The following ACAP2 variants were observed in gnomAD, a reference collection of about 807,000 sequenced individuals.
ACAP2 encodes arf-GAP with coiled-coil, ANK repeat and PH domain-containing protein 2.
In ACAP2, 39 loss-of-function variants were observed where a neutral mutation model predicts 115.8. The observed-to-expected ratio is 0.34, with a 90% confidence interval of 0.26 to 0.44. The LOEUF is 0.44. ACAP2 is among the 20% of genes least tolerant of loss of function. The pLI is 1.00. For missense variants in ACAP2, 662 were observed against 927.6 expected (o/e 0.71, Z 3.72); for synonymous variants, 289 against 315.8 (o/e 0.92, Z 0.90).
At chr3:195,330,274 T>C (rs1168321651) in intron 8 of ACAP2, among the ~76,000 whole-genome samples, 1 of 152,204 alleles carries the variant, frequency 6.6e-6, no homozygotes, top group African/African-American at 2.4e-5. Flanking sequence ...TAGTTTCAGA[T>C]GCCATTATCT....
intron 5 of ACAP2, 62 bp downstream of exon 5, chr3:195,345,197 C>T (rs1056945754): frequency 2.6e-6 from 3 of 1,146,330 alleles, no homozygotes; most frequent in Non-Finnish European, 3.9e-6. Flanking sequence ...CCAAAAGATA[C>T]GAATTCTCAG....
In ACAP2 at chr3:195,420,480, C is replaced by A. The variant is rs1045852339; in HGVS notation, c.53+22315G>T. On this transcript the variant is annotated intron_variant, in intron 1 of 22. Transcript: ENST00000326793. ...TCTCCTGCCTCAGCCTCCCAAGTAGCTGGGACTATAGGCGCGTGCCACCAC... is the reference window on the plus strand; with the variant it reads ...TCTCCTGCCTCAGCCTCCCAAGTAGATGGGACTATAGGCGCGTGCCACCAC... Among the ~76,000 whole-genome samples the A allele has an allele frequency of 3.9e-4, 58 of 149,978 alleles. No homozygotes were observed. In the Middle Eastern group the frequency reaches 0.018, roughly 47 times the overall value.
chr3:195,433,593 G>A lies in ACAP2; in HGVS notation c.53+9202C>T, dbSNP rs114562932. The stretch of plus-strand genomic sequence containing the variant: ...AGCTGAGGGTGTTTTAAAGATGGCC[G>A]TTATCAAATTAGGATCAAGTTAGGA... On this transcript the variant is annotated intron_variant, in intron 1 of 22. Transcript: ENST00000326793. Among the ~76,000 whole-genome samples the A allele has an allele frequency of 2.0e-3, 307 of 152,236 alleles. 1 individual carries two copies. Among genetic ancestry groups the A allele is most frequent in the Non-Finnish European group, 3.4e-3 (228 of 68,016 alleles).
intron 1 of ACAP2, among the ~76,000 whole-genome samples, chr3:195,403,869 G>A (rs544247403): frequency 6.6e-6 from 1 of 152,124 alleles, no homozygotes; most frequent in African/African-American, 2.4e-5. Context: ...GTCTGAGTTG[G>A]AGGTATAAGT....
intron 13 of ACAP2, among the ~76,000 whole-genome samples, chr3:195,305,111 G>A (rs2108978053): frequency 6.6e-6 from 1 of 152,250 alleles, no homozygotes; most frequent in Admixed American, 6.5e-5. Context: ...AAAAGAACAG[G>A]TCTATATCTG....
chr3:195,320,014 TAGTG>T (rs1218899745), intron 10 of ACAP2, among the ~76,000 whole-genome samples: 1 of 152,170 alleles, frequency 6.6e-6, no homozygotes, highest in Non-Finnish European at 1.5e-5. Context: ...GTTCTCATGA[TAGTG>T]AGGGAGTTCT....
intron 21 of ACAP2, 149 bp from the exon 22 acceptor site, chr3:195,286,006 T>G: frequency 9.9e-6 from 6 of 603,474 alleles, no homozygotes; most frequent in Non-Finnish European, 1.7e-5. Context: ...AACCCAGCAA[T>G]CTGAGGTACA....
intron 4 of ACAP2, chr3:195,349,850 C>A: frequency 2.9e-6 from 1 of 346,596 alleles, no homozygotes; most frequent in South Asian, 2.5e-5. Context: ...CGCATTGACA[C>A]CAGGCAAAAC....
At chr3:195,382,976 G>C (rs1734050330) in intron 2 of ACAP2, among the ~76,000 whole-genome samples, 1 of 151,968 alleles carries the variant, frequency 6.6e-6, no homozygotes, top group Non-Finnish European at 1.5e-5. Flanking sequence ...ACTGTTAAGG[G>C]CTTTTGATTT....
At chr3:195,430,358 T>C (rs1462030234) in intron 1 of ACAP2, among the ~76,000 whole-genome samples, 4 of 152,192 alleles carry the variant, frequency 2.6e-5, no homozygotes, top group African/African-American at 9.7e-5. Flanking sequence ...AGTGTATATA[T>C]TTTCAGAGAC....
chr3:195,327,015 T>C, intron 8 of ACAP2, 56 bp from the exon 9 acceptor site: 4 of 1,417,644 alleles, frequency 2.8e-6, no homozygotes, highest in Non-Finnish European at 3.9e-6. Flanking sequence ...GATTAGTTTT[T>C]CAAACCATAT....
chr3:195,276,468 GAA>G lies in ACAP2; in HGVS notation c.*2858_*2859del, dbSNP rs1222425909. The G allele has an allele frequency of 6.6e-6, 1 of 152,128 alleles. No homozygotes were observed. The highest frequency in any genetic ancestry group is 2.4e-5 in the African/African-American group (1 of 41,414). The allele number at this position is 152,128 out of a possible 1,614,324, so 9.4% of individuals were successfully genotyped here. ...ATTACTTTTATTCTAGCTCTAACATGAAATTGCATTTTATTAACTCTTCATAG... is the reference window on the plus strand; with the variant it reads ...ATTACTTTTATTCTAGCTCTAACATGATTGCATTTTATTAACTCTTCATAG... On this transcript the variant is annotated 3_prime_UTR_variant, in exon 23 of 23. Transcript: ENST00000326793.
intron 9 of ACAP2, 44 bp downstream of exon 9, chr3:195,326,841 A>G (rs1250230295): frequency 6.5e-7 from 1 of 1,542,018 alleles, no homozygotes; most frequent in South Asian, 1.1e-5. Context: ...CACCCAAGCC[A>G]TTGTATAAAG....
At chr3:195,303,785 A>G (rs867074334) in intron 13 of ACAP2, among the ~76,000 whole-genome samples, 7 of 152,178 alleles carry the variant, frequency 4.6e-5, no homozygotes, top group South Asian at 4.1e-4. Context: ...ATCCTGCTAC[A>G]TGGCCATAAT....
intron 4 of ACAP2, among the ~76,000 whole-genome samples, chr3:195,365,446 G>A (rs953832735): frequency 2.0e-5 from 3 of 151,864 alleles, no homozygotes; most frequent in African/African-American, 7.3e-5. Flanking sequence ...TTGTTTTAAA[G>A]AACAAAATTA....
chr3:195,368,126 C>T (rs957910905), intron 4 of ACAP2, among the ~76,000 whole-genome samples: 27 of 152,066 alleles, frequency 1.8e-4, no homozygotes, highest in Non-Finnish European at 3.4e-4. Flanking sequence ...TATTTGTATG[C>T]CTGTCTGTTA....
chr3:195,355,018 C>T (rs1361572344), intron 4 of ACAP2, among the ~76,000 whole-genome samples: 2 of 152,140 alleles, frequency 1.3e-5, no homozygotes, highest in African/African-American at 4.8e-5. Flanking sequence ...CATGTGCCAC[C>T]ATGCTCAGTT....
At chr3:195,307,061 A>T (rs1353668390) in intron 12 of ACAP2, among the ~76,000 whole-genome samples, 162 bp downstream of exon 12, 1 of 152,226 alleles carries the variant, frequency 6.6e-6, no homozygotes. Flanking sequence ...TAAATACCTG[A>T]CTATAATATC....
chr3:195,367,627 G>T (rs1732817149), intron 4 of ACAP2, among the ~76,000 whole-genome samples: 1 of 152,152 alleles, frequency 6.6e-6, no homozygotes, highest in Admixed American at 6.5e-5. Context: ...TTGATCAAAA[G>T]AATGCAGAAG....
Sources: allele counts gnomAD v4.1 joint callset (sites outside exome capture counted in the v4.1 genomes callset), GRCh38; gene constraint gnomAD v4.1.1; transcripts MANE v1.5; gene names NCBI Gene and HGNC (gene_info 2026-07-23, HGNC 2026-07-21).